The following PVT1 variants were observed in gnomAD, a reference collection of about 807,000 sequenced individuals.
The protein encoded by PVT1 is Pvt1 oncogene.
intron 4 of PVT1, among the ~76,000 whole-genome samples, chr8:128,015,298 C>T (rs1817360340): frequency 6.6e-6 from 1 of 151,930 alleles, no homozygotes; most frequent in South Asian, 2.1e-4. Flanking sequence ...CTATGTTGAC[C>T]AGGCTGGTCT....
intron 2 of PVT1, among the ~76,000 whole-genome samples, chr8:127,798,937 C>T (rs958617202): frequency 6.6e-6 from 1 of 152,084 alleles, no homozygotes; most frequent in Admixed American, 6.6e-5. Context: ...AGGCTGCAAT[C>T]AGGTATAGCA....
chr8:127,893,631 T>C (rs900494415), intron 3 of PVT1, among the ~76,000 whole-genome samples: 3 of 152,274 alleles, frequency 2.0e-5, no homozygotes, highest in Admixed American at 2.0e-4. Flanking sequence ...CAGCCCTGTC[T>C]GACTCCAAAG....
At chr8:128,069,565 C>T (rs117314881) in intron 4 of PVT1, among the ~76,000 whole-genome samples, 5 of 152,258 alleles carry the variant, frequency 3.3e-5, no homozygotes, top group East Asian at 3.9e-4. Flanking sequence ...GGGTGGGTAA[C>T]GTAAATCCCC....
chr8:127,849,973 C>T (rs1397435541), intron 2 of PVT1, among the ~76,000 whole-genome samples: 5 of 146,346 alleles, frequency 3.4e-5, no homozygotes, highest in African/African-American at 1.3e-4. Flanking sequence ...CCTGCGTGCA[C>T]GTGCGTGGGT....
chr8:127,824,180 CA>C (rs1203608697), intron 2 of PVT1, among the ~76,000 whole-genome samples: 1 of 151,252 alleles, frequency 6.6e-6, no homozygotes, highest in Non-Finnish European at 1.5e-5. Context: ...GACCCTATCT[CA>C]AAAAAAAGGA....
chr8:128,029,316 C>T (rs912643751), intron 4 of PVT1, among the ~76,000 whole-genome samples: 4 of 142,286 alleles, frequency 2.8e-5, no homozygotes, highest in Non-Finnish European at 4.6e-5. Flanking sequence ...TTGCAGGAAA[C>T]GAGGTCTCAC....
chr8:127,917,504 G>A (rs1586435029), intron 3 of PVT1, among the ~76,000 whole-genome samples: 1 of 152,210 alleles, frequency 6.6e-6, no homozygotes, highest in Admixed American at 6.5e-5. Flanking sequence ...TGATCCAGGG[G>A]AACCATATCA....
intron 3 of PVT1, among the ~76,000 whole-genome samples, chr8:127,977,210 C>A (rs1346509888): frequency 6.6e-6 from 1 of 152,106 alleles, no homozygotes; most frequent in South Asian, 2.1e-4. Context: ...CAGGTATCAC[C>A]CTCAGAAATA....
intron 4 of PVT1, among the ~76,000 whole-genome samples, chr8:128,034,856 G>A (rs1321572520): frequency 6.6e-6 from 1 of 152,202 alleles, no homozygotes; most frequent in African/African-American, 2.4e-5. Flanking sequence ...CCAAGCAGGG[G>A]ACTTTGAGTA....
Position 127,916,412 on chromosome 8 carries a change from C to T in PVT1, n.782+25414C>T, listed in dbSNP as rs574567283. Among the ~76,000 whole-genome samples the T allele has an allele frequency of 4.7e-4, 72 of 152,250 alleles. 1 individual carries two copies. The South Asian group carries it at 0.011, about 23-fold the overall frequency. On this transcript the variant is annotated intron_variant and non_coding_transcript_variant, in intron 3 of 10. Transcript: ENST00000651587. The stretch of plus-strand genomic sequence containing the variant: ...GCTCAATAATGATTTGTTGTGTGAA[C>T]AAGTGCATGAATGAGTAGTAGGTCA...
intron 3 of PVT1, among the ~76,000 whole-genome samples, chr8:127,954,631 C>T (rs1816547558): frequency 6.6e-6 from 1 of 152,196 alleles, no homozygotes; most frequent in Non-Finnish European, 1.5e-5. Context: ...TGGTTCAGCG[C>T]CCCCAGTGCC....
intron 4 of PVT1, among the ~76,000 whole-genome samples, chr8:127,997,146 C>T (rs1020230396): frequency 6.7e-6 from 1 of 150,184 alleles, no homozygotes; most frequent in East Asian, 2.0e-4. Flanking sequence ...GCTCTGCCTC[C>T]CGGGGTCAAG....
chr8:128,000,367 G>A lies in PVT1; in HGVS notation n.912+11076G>A, dbSNP rs566404409. On this transcript the variant is annotated intron_variant and non_coding_transcript_variant, in intron 4 of 10. Transcript: ENST00000651587. ...GTGGGCCTCCTGGGCAGTCAGGAGG[G>A]CTTGGTGCAGAACTGGAAGCACCAG... 5.9e-5 allele frequency among the ~76,000 whole-genome samples: 9 copies of A among 152,340 alleles called. No individual in the cohort carries two copies. In the East Asian group the frequency reaches 1.7e-3, roughly 29 times the overall value.
chr8:127,817,536 TA>T (rs1382944344), intron 2 of PVT1, among the ~76,000 whole-genome samples: 12 of 50,444 alleles, frequency 2.4e-4, no homozygotes, highest in Non-Finnish European at 5.6e-4. Flanking sequence ...TAAATATATA[TA>T]TATATATATA....
chr8:127,862,420 T>A (rs1194615459), intron 2 of PVT1, among the ~76,000 whole-genome samples: 3 of 151,604 alleles, frequency 2.0e-5, no homozygotes, highest in Non-Finnish European at 4.4e-5. Flanking sequence ...AAAAAAAAAA[T>A]TAACTTTTAA....
intron 2 of PVT1, among the ~76,000 whole-genome samples, chr8:127,886,235 C>T (rs1390525940): frequency 6.6e-6 from 1 of 152,144 alleles, no homozygotes; most frequent in South Asian, 2.1e-4. Context: ...TTCTCTGGCT[C>T]TTTTCATGAC....
At position 128,023,214 on chromosome 8, in the gene PVT1, CTT is replaced by C. The variant is rs1311194078; in HGVS notation, n.912+33926_912+33927del. ...TGTTTCCATTTCCACTGTTGAATCT[CTT>C]TTATCACCATGAAAAGAGATTTCAG... On this transcript the variant is annotated intron_variant and non_coding_transcript_variant, in intron 4 of 10. Transcript: ENST00000651587. Among the ~76,000 whole-genome samples, 15 of 152,286 alleles carry C rather than the reference CTT, an allele frequency of 9.8e-5. No individual in the cohort carries two copies. In the South Asian group the frequency reaches 1.0e-3, roughly 11 times the overall value.
intron 2 of PVT1, among the ~76,000 whole-genome samples, chr8:127,811,705 T>C (rs562180180): frequency 6.6e-6 from 1 of 152,360 alleles, no homozygotes; most frequent in Admixed American, 6.5e-5. Flanking sequence ...TCCTTTTTCC[T>C]TTCTCTCTCC....
At chr8:127,959,387 T>C (rs1480785255) in intron 3 of PVT1, among the ~76,000 whole-genome samples, 1 of 151,966 alleles carries the variant, frequency 6.6e-6, no homozygotes, top group Non-Finnish European at 1.5e-5. Context: ...GAGATCGAGA[T>C]CAGCCTGGCC....
Sources: gnomAD v4.1 joint callset for allele counts (sites outside exome capture counted in the v4.1 genomes callset) on GRCh38, gnomAD v4.1.1 for gene constraint, MANE v1.5 for transcripts, NCBI Gene and HGNC (gene_info 2026-07-23, HGNC 2026-07-21) for gene names.